Variants in SAMD5 observed in about 807,000 individuals in gnomAD.
The protein encoded by SAMD5 is sterile alpha motif domain-containing protein 5.
Under a neutral mutation model 11.3 loss-of-function variants are expected in SAMD5, and 13 were observed. The ratio of observed to expected loss-of-function variants is 1.15; its 90% CI spans 0.75 to 1.83. The LOEUF (loss-of-function observed/expected upper bound fraction) is 1.83, where lower values mean the gene tolerates loss of function less well. Ranked by LOEUF, SAMD5 falls within the 40% of genes most tolerant of loss-of-function variation. The pLI is 0.00. For missense variants in SAMD5, 255 were observed against 239.1 expected, an observed-to-expected ratio of 1.07 and a Z score of -0.44; for synonymous variants, 129 against 111.3, an observed-to-expected ratio of 1.16 and a Z score of -1.00.
At chr6:147,810,617 C>G in the SAMD5 span, among the ~76,000 whole-genome samples, 1 of 152,196 alleles carries the variant, frequency 6.6e-6, no homozygotes, top group African/African-American at 2.4e-5. Flanking sequence ...TGACACTTTC[C>G]TCCTTGGCCT....
chr6:147,530,342 G>A (rs1202217472), intron 1 of SAMD5, among the ~76,000 whole-genome samples: 2 of 152,250 alleles, frequency 1.3e-5, no homozygotes, highest in East Asian at 3.9e-4. Flanking sequence ...GTGCAGGGAC[G>A]TTTTACTTGT....
the SAMD5 span, among the ~76,000 whole-genome samples, chr6:147,877,738 A>G: frequency 6.6e-6 from 1 of 151,726 alleles, no homozygotes; most frequent in African/African-American, 2.4e-5. Context: ...AAGGAATTCT[A>G]CCTCCAACTC....
the SAMD5 span, among the ~76,000 whole-genome samples, chr6:147,862,473 C>A: frequency 6.6e-6 from 1 of 152,170 alleles, no homozygotes; most frequent in Non-Finnish European, 1.5e-5. Context: ...GATGAAAAGA[C>A]CCTGTAGGGG....
chr6:147,942,980 A>AT, the SAMD5 span, among the ~76,000 whole-genome samples: 5 of 151,410 alleles, frequency 3.3e-5, no homozygotes, highest in South Asian at 6.3e-4. Context: ...TGCCTGGCTA[A>AT]TTTTTTTTTA....
At chr6:147,828,948 G>T in the SAMD5 span, among the ~76,000 whole-genome samples, 6 of 152,156 alleles carry the variant, frequency 3.9e-5, no homozygotes, top group African/African-American at 1.4e-4. Flanking sequence ...CCCAGAAGAG[G>T]ATAGATGAAA....
intron 1 of SAMD5, among the ~76,000 whole-genome samples, chr6:147,510,760 A>G (rs1384010763): frequency 6.6e-6 from 1 of 152,192 alleles, no homozygotes; most frequent in Non-Finnish European, 1.5e-5. Context: ...TTGGTTTTTT[A>G]AGGAGGATAC....
the SAMD5 span, among the ~76,000 whole-genome samples, chr6:147,951,295 C>T: frequency 6.6e-6 from 1 of 151,952 alleles, no homozygotes; most frequent in Non-Finnish European, 1.5e-5. Context: ...CATTCTCCTG[C>T]CTCAGCCTCC....
At chr6:147,902,432 G>T in the SAMD5 span, among the ~76,000 whole-genome samples, 41,100 of 151,604 alleles carry the variant, frequency 0.27, 6,361 homozygotes, top group African/African-American at 0.42. Flanking sequence ...GTGCTCCCAG[G>T]AACACATGGT....
At chr6:147,667,245 T>C (rs770653064) in intron 1 of SAMD5, among the ~76,000 whole-genome samples, 1 of 152,218 alleles carries the variant, frequency 6.6e-6, no homozygotes, top group Non-Finnish European at 1.5e-5. Context: ...TTTGCACTTA[T>C]TAGGTAAGGT....
At chr6:147,877,885 A>ACACACACACACACACAC in the SAMD5 span, among the ~76,000 whole-genome samples, 1 of 44,306 alleles carries the variant, frequency 2.3e-5, no homozygotes, top group African/African-American at 6.1e-5. Flanking sequence ...CACACACGAT[A>ACACACACACACACACAC]GATAGATAGC....
At chr6:147,551,178 A>G (rs1400964771) in intron 1 of SAMD5, among the ~76,000 whole-genome samples, 1 of 152,222 alleles carries the variant, frequency 6.6e-6, no homozygotes, top group African/African-American at 2.4e-5. Context: ...TGTTTCATTT[A>G]GGAATTGAAT....
the SAMD5 span, among the ~76,000 whole-genome samples, chr6:147,838,079 T>C: frequency 2.6e-5 from 4 of 152,176 alleles, no homozygotes; most frequent in African/African-American, 7.2e-5. Context: ...TGTGTGTATA[T>C]AGGCAGTGCT....
At chr6:147,768,785 C>T in the SAMD5 span, among the ~76,000 whole-genome samples, 8 of 151,862 alleles carry the variant, frequency 5.3e-5, no homozygotes, top group African/African-American at 1.9e-4. Flanking sequence ...GTGGTGAGAA[C>T]ATTTAAAATT....
the SAMD5 span, among the ~76,000 whole-genome samples, chr6:147,772,306 T>C: frequency 2.0e-5 from 3 of 151,970 alleles, no homozygotes; most frequent in African/African-American, 7.3e-5. Context: ...GCTGGACAAA[T>C]GGGATGCTCA....
At chr6:147,530,081 G>C (rs1489842593) in intron 1 of SAMD5, among the ~76,000 whole-genome samples, 1 of 152,102 alleles carries the variant, frequency 6.6e-6, no homozygotes, top group Admixed American at 6.6e-5. Context: ...ATATGGGGAC[G>C]ATTTTTTCCC....
chr6:147,609,747 A>T (rs1363171874), intron 1 of SAMD5, among the ~76,000 whole-genome samples: 1 of 152,166 alleles, frequency 6.6e-6, no homozygotes, highest in South Asian at 2.1e-4. Flanking sequence ...TAGTAGAAAC[A>T]GGGTTTCACC....
chr6:147,509,212 G>A lies in SAMD5; in HGVS notation c.284G>A (p.Arg95Gln). The stretch of plus-strand genomic sequence containing the variant: ...GCCGACGCCGTCCCCACCGGCCGCC[G>A]GGGGGAGCCGTGCGGCGGCCCGGCC... ...PPADAVPTGR[R>Q]GEPCGGPAQG... is the part of the protein sequence containing the mutation. The change falls in exon 1 of 2, where the codon CGG (arginine) becomes CAG (glutamine). Residue 95 changes from arginine to glutamine, a missense_variant. Transcript: ENST00000367474. The A allele has an allele frequency of 1.5e-6, 2 of 1,326,808 alleles. No homozygotes were observed. The highest frequency in any genetic ancestry group is 9.6e-7 in the Non-Finnish European group (1 of 1,036,718). 82.2% of individuals were successfully genotyped at this position (1,326,808 alleles called of 1,614,324 possible).
chr6:147,552,010 T>A (rs1006458560), intron 1 of SAMD5, among the ~76,000 whole-genome samples: 1 of 152,122 alleles, frequency 6.6e-6, no homozygotes, highest in Non-Finnish European at 1.5e-5. Context: ...TCCCACCCGT[T>A]GAGCTTCTAT....
the SAMD5 span, among the ~76,000 whole-genome samples, chr6:147,905,579 A>G: frequency 6.6e-6 from 1 of 152,352 alleles, no homozygotes; most frequent in South Asian, 2.1e-4. Flanking sequence ...ACCTAGATAT[A>G]ATCACTGTCA....
Sources: allele counts gnomAD v4.1 joint callset (sites outside exome capture counted in the v4.1 genomes callset), GRCh38; gene constraint gnomAD v4.1.1; transcripts MANE v1.5; gene names NCBI Gene and HGNC (gene_info 2026-07-23, HGNC 2026-07-21).